The following GDF6 variants were observed in gnomAD, a reference collection of about 807,000 sequenced individuals.
The protein encoded by GDF6 is growth differentiation factor 6, also known as growth/differentiation factor 6.
A neutral mutation model predicts 32.4 loss-of-function variants in GDF6; 3 were observed. That is an observed-to-expected ratio of 0.09 (90% CI 0.04 to 0.24). The LOEUF (loss-of-function observed/expected upper bound fraction) is 0.24. GDF6 is among the 10% of genes least tolerant of loss of function. The probability of loss-of-function intolerance (pLI) is 1.00; values close to 1 mark genes in which losing one functional copy is unlikely to be tolerated. For missense variants in GDF6, 589 were observed against 637.9 expected (o/e 0.92, Z 0.83); for synonymous variants, 296 against 295.3 (o/e 1.00, Z -0.03).
At position 96,144,335 on chromosome 8, in the gene GDF6, G is replaced by A. The variant is rs1032685917; in HGVS notation, c.*228C>T. Reference sequence around the variant, plus strand: ...CCTCCTTGGCTTGTTTTTCCAGGGTGGCCAGGCAAGGTGTGAAAATCCATA... The same window carrying A: ...CCTCCTTGGCTTGTTTTTCCAGGGTAGCCAGGCAAGGTGTGAAAATCCATA... On this transcript the variant is annotated 3_prime_UTR_variant, in exon 2 of 2. Transcript: ENST00000287020. The surrounding 1 kb of genome is among the most constrained non-coding windows in gnomAD (Gnocchi z 5.1). The A allele has an allele frequency of 3.9e-5, 22 of 563,406 alleles. No individual in the cohort carries two copies. The highest frequency in any genetic ancestry group is 7.0e-5 in the Non-Finnish European group (22 of 315,148). The allele number at this position is 563,406 out of a possible 1,614,324, so 34.9% of individuals were successfully genotyped here. A position where few individuals can be genotyped will look rare whatever the true frequency, so the allele number is the denominator to read the frequency against.
chr8:96,160,792 G>A lies in GDF6; in HGVS notation c.-100C>T. The stretch of plus-strand genomic sequence containing the variant: ...CAGCGGCCGGGGCCCGGCTCCTCGG[G>A]CGGACTCGGAGTGCGAGGAGCCGGG... On this transcript the variant is annotated 5_prime_UTR_variant, in exon 1 of 2. Transcript: ENST00000287020. The A allele has an allele frequency of 8.2e-7, 1 of 1,226,198 alleles. No homozygotes were observed. The highest frequency in any genetic ancestry group is 1.1e-6 in the Non-Finnish European group (1 of 877,860). The allele number at this position is 1,226,198 out of a possible 1,614,324, so 76.0% of individuals were successfully genotyped here.
intron 1 of GDF6, among the ~76,000 whole-genome samples, chr8:96,146,365 G>A (rs1214710759): frequency 6.6e-6 from 1 of 150,636 alleles, no homozygotes; most frequent in Non-Finnish European, 1.5e-5. Context: ...ACTCCAAGAT[G>A]ACTTAAAGGT....
intron 1 of GDF6, among the ~76,000 whole-genome samples, chr8:96,156,328 C>G (rs1457203194): frequency 6.6e-6 from 1 of 151,990 alleles, no homozygotes; most frequent in African/African-American, 2.4e-5. Flanking sequence ...CCTTTCCCTA[C>G]ATAAACTGAA....
At chr8:96,156,671 TA>T (rs1812670888) in intron 1 of GDF6, among the ~76,000 whole-genome samples, 1 of 152,216 alleles carries the variant, frequency 6.6e-6, no homozygotes, top group African/African-American at 2.4e-5. Context: ...ACATCATTTT[TA>T]AAGCACAATA....
At chr8:96,151,737 G>A (rs1812571962) in intron 1 of GDF6, among the ~76,000 whole-genome samples, 1 of 152,230 alleles carries the variant, frequency 6.6e-6, no homozygotes, top group Non-Finnish European at 1.5e-5. Flanking sequence ...GAATGCAAAT[G>A]TCAGTCACTA....
rs1043272299 is a variant in GDF6 at position 96,154,699 on chromosome 8, G to A, written c.406+5588C>T. Among the ~76,000 whole-genome samples the A allele has an allele frequency of 4.6e-5, 7 of 152,164 alleles. No homozygotes were observed. The East Asian group carries it at 1.2e-3, about 25-fold the overall frequency. The stretch of plus-strand genomic sequence containing the variant: ...TTCCTTTTACTTAAAAGCCCCCAGG[G>A]ATTACTGTTGATTTGCTCTAAGACC... On this transcript the variant is annotated intron_variant, in intron 1 of 1. Coordinates refer to ENST00000287020, the MANE Select transcript of GDF6 (RefSeq NM_001001557.4).
In GDF6 at chr8:96,143,476, C is replaced by T. The variant is rs539996889; in HGVS notation, c.*1087G>A. On this transcript the variant is annotated 3_prime_UTR_variant, in exon 2 of 2. Coordinates refer to ENST00000287020, the MANE Select transcript of GDF6 (RefSeq NM_001001557.4). ...CCTCCTGATGGGACTCCTTCTACTTCTTGGTTCCTTTTCCCTCCTTTGTAG... is the reference window on the plus strand; with the variant it reads ...CCTCCTGATGGGACTCCTTCTACTTTTTGGTTCCTTTTCCCTCCTTTGTAG... 1.2e-4 allele frequency: 19 copies of T among 152,864 alleles called. No individual in the cohort carries two copies. Among genetic ancestry groups the T allele is most frequent in the African/African-American group, 3.8e-4 (16 of 41,574 alleles). 9.5% of individuals were successfully genotyped at this position (152,864 alleles called of 1,614,324 possible). A position where few individuals can be genotyped will look rare whatever the true frequency, so the allele number is the denominator to read the frequency against.
At chr8:96,148,485 A>G (rs1236495700) in intron 1 of GDF6, among the ~76,000 whole-genome samples, 1 of 152,248 alleles carries the variant, frequency 6.6e-6, no homozygotes, top group Non-Finnish European at 1.5e-5. Flanking sequence ...CATCATCAGC[A>G]TCACATAGGC....
At chr8:96,159,428 C>T (rs1233756155) in intron 1 of GDF6, among the ~76,000 whole-genome samples, 4 of 152,204 alleles carry the variant, frequency 2.6e-5, no homozygotes, top group African/African-American at 7.2e-5. Context: ...CGCAGACACC[C>T]ACACATGCAG....
Position 96,158,146 on chromosome 8 carries a change from C to T in GDF6, c.406+2141G>A, listed in dbSNP as rs140757891. Among the ~76,000 whole-genome samples, 847 of 152,278 alleles carry T rather than the reference C, an allele frequency of 5.6e-3. 3 individuals carry two copies. The highest frequency in any genetic ancestry group is 7.0e-3 in the Non-Finnish European group (477 of 68,018). On this transcript the variant is annotated intron_variant, in intron 1 of 1. Coordinates refer to ENST00000287020, the MANE Select transcript of GDF6 (RefSeq NM_001001557.4). ...TGCAGCGTCTCCTCCCGCTGTGGAC[C>T]GCTCGCATCCCCAGCCCTCCACCGC... is the stretch of plus-strand genomic sequence containing the variant.
In GDF6 at chr8:96,145,621, GGC is replaced by G; in HGVS notation, c.407-99_407-98del. The G allele has an allele frequency of 6.7e-7, 1 of 1,484,160 alleles. No individual in the cohort carries two copies. Among genetic ancestry groups the G allele is most frequent in the Non-Finnish European group, 9.2e-7 (1 of 1,086,208 alleles). The allele number at this position is 1,484,160 out of a possible 1,614,324, so 91.9% of individuals were successfully genotyped here. A position where few individuals can be genotyped will look rare whatever the true frequency, so the allele number is the denominator to read the frequency against. On this transcript the variant is annotated intron_variant, in intron 1 of 1. Transcript: ENST00000287020. The surrounding 1 kb of genome is among the most constrained non-coding windows in gnomAD (Gnocchi z 5.6). ...CGGGAGGAAAAGGGCGGGGAGTGGG[GGC>G]AGGTCGGCCGGGCAGTCCAGCTTGC...
rs745989382 is a variant in GDF6 at position 96,144,832 on chromosome 8, C to T, written c.1099G>A (p.Gly367Ser). 6.2e-7 allele frequency: 1 copy of T among 1,614,092 alleles called. No individual in the cohort carries two copies. The highest frequency in any genetic ancestry group is 2.2e-5 in the East Asian group (1 of 44,862). ...KPLHVNFKEL[G>S]WDDWIIAPLE... ...GGCGCGATAATCCAGTCGTCCCAGC[C>T]CAGCTCCTTGAAGTTCACGTGCAGG... Residue 367 changes from glycine (G) to serine (S), a missense_variant, in exon 2 of 2, where the codon GGC (glycine) becomes AGC (serine). Gly to Ser is a moderately conservative substitution (Grantham distance 56, BLOSUM62 0). This residue lies in a region of GDF6 where 153 missense variants were observed against 226.7 expected (regional missense o/e 0.67). Coordinates refer to ENST00000287020, the MANE Select transcript of GDF6 (RefSeq NM_001001557.4). This position sits in a 1 kb window ranked among gnomAD's most constrained non-coding sequence, Gnocchi z 5.1.
Position 96,152,078 on chromosome 8 carries a change from C to T in GDF6, c.407-6554G>A, listed in dbSNP as rs771354236. Among the ~76,000 whole-genome samples the T allele has an allele frequency of 5.3e-5, 8 of 152,292 alleles. No homozygotes were observed. The South Asian group carries it at 1.7e-3, about 32-fold the overall frequency. ...AAATCCAGTTCTCTGGACTTCAGTC[C>T]TTGTGGTCCACTTCTCTCCACAAGA... On this transcript the variant is annotated intron_variant, in intron 1 of 1. Transcript: ENST00000287020.
rs1157112711 is a variant in GDF6 at position 96,160,629 on chromosome 8, C to T, written c.64G>A (p.Gly22Ser). The change falls in exon 1 of 2, where the codon GGT becomes AGT. Residue 22 changes from glycine to serine, a missense_variant. By Grantham distance (56) the Gly-to-Ser change is moderately conservative. Coordinates refer to ENST00000287020, the MANE Select transcript of GDF6 (RefSeq NM_001001557.4). Reference protein sequence around the residue: ...FLISFLWDLPGFQQASISSSS... With the variant: ...FLISFLWDLPSFQQASISSSS... ...GATGAGATGGAAGCCTGCTGGAAAC[C>T]GGGCAAATCCCACAGAAAACTGATG... 1.9e-6 allele frequency: 3 copies of T among 1,613,620 alleles called. No homozygotes were observed. In the African/African-American group the frequency reaches 4.0e-5, roughly 22 times the overall value.
chr8:96,157,608 CTT>C (rs1399810284), intron 1 of GDF6, among the ~76,000 whole-genome samples: 2 of 152,178 alleles, frequency 1.3e-5, no homozygotes, highest in Non-Finnish European at 2.9e-5. Flanking sequence ...GGCCGCTGCT[CTT>C]TCCTCCTCGC....
intron 1 of GDF6, among the ~76,000 whole-genome samples, chr8:96,158,450 A>T (rs909539750): frequency 6.6e-6 from 1 of 152,188 alleles, no homozygotes; most frequent in Non-Finnish European, 1.5e-5. Context: ...AACAGCCCGC[A>T]GGGTCTTTTG....
intron 1 of GDF6, among the ~76,000 whole-genome samples, chr8:96,156,696 A>T (rs1308094439): frequency 6.6e-6 from 1 of 152,208 alleles, no homozygotes; most frequent in Non-Finnish European, 1.5e-5. Flanking sequence ...GAGCATTTTT[A>T]AAAATCAGGG....
chr8:96,155,364 G>C (rs994486440), intron 1 of GDF6, among the ~76,000 whole-genome samples: 4 of 152,232 alleles, frequency 2.6e-5, no homozygotes, highest in African/African-American at 9.7e-5. Context: ...TTAAGGATTG[G>C]AACTACAATA....
rs1244374648 is a variant in GDF6 at position 96,142,620 on chromosome 8, A to T, written c.*1943T>A. 6.6e-6 allele frequency: 1 copy of T among 152,670 alleles called. No homozygotes were observed. Among genetic ancestry groups the T allele is most frequent in the African/African-American group, 2.4e-5 (1 of 41,458 alleles). The allele number at this position is 152,670 out of a possible 1,614,324, so 9.5% of individuals were successfully genotyped here. ...CTTTAAAAATATTAGAAATTATAAC[A>T]TTTGAGTGCATATAACGTTTTGTAC... On this transcript the variant is annotated 3_prime_UTR_variant, in exon 2 of 2. Transcript: ENST00000287020.
Sources: gnomAD v4.1 joint callset for allele counts (sites outside exome capture counted in the v4.1 genomes callset) on GRCh38, gnomAD v4.1.1 for gene constraint, gnomAD v4.1.1 regional missense constraint, Gnocchi (gnomAD v3.1) non-coding constraint, MANE v1.5 for transcripts, NCBI Gene and HGNC (gene_info 2026-07-23, HGNC 2026-07-21) for gene names.